TEX35: variants seen among roughly 807,000 people sequenced by gnomAD.
TEX35 encodes the protein testis-expressed protein 35.
A neutral mutation model predicts 31.9 loss-of-function variants in TEX35; 26 were observed. The observed-to-expected ratio is 0.81, with a 90% CI of 0.60 to 1.13. The LOEUF (loss-of-function observed/expected upper bound fraction) is 1.13, where lower values mean the gene tolerates loss of function less well. Ranked by LOEUF, TEX35 falls within the 50% of genes most tolerant of loss-of-function variation. The pLI is 0.00. For missense variants in TEX35, 278 were observed against 273.5 expected (o/e 1.02, Z -0.12); for synonymous variants, 87 against 90.7 (o/e 0.96, Z 0.23).
intron 1 of TEX35, among the ~76,000 whole-genome samples, chr1:178,513,496 T>A (rs916068702): frequency 6.6e-6 from 1 of 152,242 alleles, no homozygotes; most frequent in African/African-American, 2.4e-5. Flanking sequence ...CCACTCATGG[T>A]TCCACGGCCC....
chr1:178,513,406 G>A lies in TEX35; in HGVS notation c.39+179G>A, dbSNP rs192722794. On this transcript the variant is annotated intron_variant, in intron 1 of 8. Transcript: ENST00000319416. ...GGTGTGGGATTAATCCCTAGCCTTG[G>A]GGGTGGGAAGGAAAGAGGCCTCTGC... Among the ~76,000 whole-genome samples, 485 of 152,294 alleles carry A rather than the reference G, an allele frequency of 3.2e-3. 14 individuals carry two copies. The highest frequency in any genetic ancestry group is 0.026 in the Admixed American group (398 of 15,298).
chr1:178,519,435 C>A (rs756507298), intron 5 of TEX35, among the ~76,000 whole-genome samples: 1 of 152,068 alleles, frequency 6.6e-6, no homozygotes, highest in African/African-American at 2.4e-5. Flanking sequence ...GTTGGTGAAA[C>A]GTGTAAGAAT....
At chr1:178,521,021 C>G in intron 7 of TEX35, 147 bp downstream of exon 7, 1 of 1,538,594 alleles carries the variant, frequency 6.5e-7, no homozygotes, top group Non-Finnish European at 8.7e-7. Flanking sequence ...CCTGCGCCCT[C>G]CCTGACCTGC....
At chr1:178,519,126 C>T (rs1463811418) in intron 5 of TEX35, among the ~76,000 whole-genome samples, 2 of 152,100 alleles carry the variant, frequency 1.3e-5, no homozygotes, top group African/African-American at 4.8e-5. Flanking sequence ...GCAAGGCGGC[C>T]TGGGTGGGGC....
chr1:178,519,717 C>T (rs1650198476), intron 5 of TEX35, among the ~76,000 whole-genome samples: 1 of 151,968 alleles, frequency 6.6e-6, no homozygotes, highest in Admixed American at 6.6e-5. Context: ...TATGACAACC[C>T]AAACCTGTTT....
At chr1:178,519,004 G>T (rs1430674316) in intron 5 of TEX35, among the ~76,000 whole-genome samples, 1 of 152,172 alleles carries the variant, frequency 6.6e-6, no homozygotes, top group Non-Finnish European at 1.5e-5. Flanking sequence ...TGAAAGACAT[G>T]CAGACAAGCT....
At chr1:178,522,226 T>C (rs1650311999) in intron 8 of TEX35, 99 bp from the exon 9 acceptor site, 1 of 1,430,920 alleles carries the variant, frequency 7.0e-7, no homozygotes, top group Non-Finnish European at 9.3e-7. Flanking sequence ...AGGACTCAGG[T>C]CCCTGCTGCT....
chr1:178,514,273 G>T, intron 2 of TEX35, 196 bp downstream of exon 2: 1 of 1,496,938 alleles, frequency 6.7e-7, no homozygotes, highest in Non-Finnish European at 8.9e-7. Flanking sequence ...GACTCATTCA[G>T]CAGTGTTACC....
chr1:178,515,635 T>G (rs1049553856), intron 3 of TEX35, among the ~76,000 whole-genome samples: 1 of 151,212 alleles, frequency 6.6e-6, no homozygotes, highest in Non-Finnish European at 1.5e-5. Context: ...TCAAACTCCT[T>G]GTTTCAAGTG....
intron 3 of TEX35, among the ~76,000 whole-genome samples, chr1:178,515,396 G>A (rs1441926630): frequency 1.3e-5 from 2 of 152,106 alleles, no homozygotes; most frequent in Admixed American, 6.5e-5. Flanking sequence ...ACTGCACCTC[G>A]TCTGGGGACA....
chr1:178,523,389 G>T, downstream of TEX35: 1 of 602,520 alleles, frequency 1.7e-6, no homozygotes, highest in South Asian at 2.1e-5. Context: ...TCTCCATAGT[G>T]GCTGTACTAA....
chr1:178,521,124 G>C, intron 7 of TEX35, 98 bp from the exon 8 acceptor site: 1 of 1,603,326 alleles, frequency 6.2e-7, no homozygotes, highest in South Asian at 1.1e-5. Context: ...CTCTTATTCT[G>C]TCCTTCCCTT....
In TEX35 at chr1:178,516,637, A is replaced by T. The variant is rs544842793; in HGVS notation, c.239A>T (p.Asp80Val). The change falls in exon 5 of 9, where the codon GAT becomes GTT. Residue 80 changes from aspartate to valine, a missense_variant. Physicochemically the swap from Asp to Val is radical, Grantham distance 152. Transcript: ENST00000319416. ...IKQIKDLMDK[D>V]FDKLHEFVEI... ...TAGATAAAGGATCTAATGGACAAGG[A>T]TTTTGATAAACTTCACGAATTTGTG... 1.1e-5 allele frequency: 17 copies of T among 1,613,764 alleles called. 1 individual carries two copies. The highest frequency in any genetic ancestry group is 5.0e-5 in the Admixed American group (3 of 60,006).
At chr1:178,516,825 G>C (rs72707045) in intron 5 of TEX35, 151 bp downstream of exon 5, 7 of 571,338 alleles carry the variant, frequency 1.2e-5, no homozygotes, top group Middle Eastern at 2.9e-4. Context: ...TAATTAATTC[G>C]TTGTTTGCTA....
intron 2 of TEX35, 154 bp downstream of exon 2, chr1:178,514,231 A>T: frequency 6.5e-7 from 1 of 1,547,730 alleles, no homozygotes; most frequent in Non-Finnish European, 8.7e-7. Flanking sequence ...AGAACTTCAC[A>T]CTGTAACCAA....
At chr1:178,516,560 T>G in intron 4 of TEX35, 55 bp from the exon 5 acceptor site, 2 of 1,504,618 alleles carry the variant, frequency 1.3e-6, no homozygotes, top group Non-Finnish European at 1.8e-6. Context: ...ATGCCACAAC[T>G]AACCTCAATA....
chr1:178,513,913 G>A (rs1187862164), intron 1 of TEX35, 114 bp from the exon 2 acceptor site: 13 of 1,252,144 alleles, frequency 1.0e-5, no homozygotes, highest in South Asian at 1.4e-5. Context: ...AGTTGGACAG[G>A]CAGGGTTGCA....
At position 178,513,970 on chromosome 1, in the gene TEX35, T is replaced by A; in HGVS notation, c.40-57T>A. ...AGGGTTCCCGTGCAAGGGCCAGATG[T>A]TCTCCTCCCCAATCCTGATGTCTGC... is the stretch of plus-strand genomic sequence containing the variant. On this transcript the variant is annotated intron_variant, in intron 1 of 8. Coordinates refer to ENST00000319416, the MANE Select transcript of TEX35 (RefSeq NM_032126.5). The A allele has an allele frequency of 4.4e-6, 7 of 1,593,990 alleles. No individual in the cohort carries two copies. The South Asian group carries it at 8.0e-5, about 18-fold the overall frequency.
At chr1:178,518,737 CA>C (rs1650166979) in intron 5 of TEX35, among the ~76,000 whole-genome samples, 1 of 152,106 alleles carries the variant, frequency 6.6e-6, no homozygotes, top group Non-Finnish European at 1.5e-5. Flanking sequence ...AAATTTTCTA[CA>C]AAGGGCATGC....
Sources: gnomAD v4.1 joint callset for allele counts (sites outside exome capture counted in the v4.1 genomes callset) on GRCh38, gnomAD v4.1.1 for gene constraint, MANE v1.5 for transcripts, NCBI Gene and HGNC (gene_info 2026-07-23, HGNC 2026-07-21) for gene names.